The following UGT2A1 variants were observed in gnomAD, a reference collection of about 807,000 sequenced individuals.
UGT2A1 encodes UDP glucuronosyltransferase family 2 member A1 complex locus, also known as UDP-glucuronosyltransferase 2A1.
A neutral mutation model predicts 45.4 loss-of-function variants in UGT2A1; 61 were observed. The observed-to-expected ratio is 1.34, with a 90% CI of 1.09 to 1.66. The LOEUF (loss-of-function observed/expected upper bound fraction) is 1.66. Ranked by LOEUF, UGT2A1 falls within the 40% of genes most tolerant of loss-of-function variation. UGT2A1 has a pLI of 0.00. For missense variants in UGT2A1, 649 were observed against 574.3 expected (o/e 1.13, Z -1.33); for synonymous variants, 229 against 196.2 (o/e 1.17, Z -1.40).
intron 6 of UGT2A1, among the ~76,000 whole-genome samples, chr4:69,592,360 G>T (rs1442439070): frequency 6.6e-6 from 1 of 152,026 alleles, no homozygotes; most frequent in African/African-American, 2.4e-5. Flanking sequence ...AAAAATAACA[G>T]CCTGATAACC....
intron 4 of UGT2A1, chr4:69,596,297 C>G: frequency 6.2e-7 from 1 of 1,607,400 alleles, no homozygotes; most frequent in Non-Finnish European, 8.5e-7. Flanking sequence ...TTGGCCTTTT[C>G]TTCTGTAAGG....
intron 1 of UGT2A1, among the ~76,000 whole-genome samples, chr4:69,652,054 G>C (rs1245857316): frequency 6.6e-6 from 1 of 151,984 alleles, no homozygotes; most frequent in African/African-American, 2.4e-5. Flanking sequence ...TTCCGCTCCT[G>C]CTCTGAAACT....
intron 2 of UGT2A1, among the ~76,000 whole-genome samples, chr4:69,638,263 A>C (rs888762265): frequency 6.6e-6 from 1 of 152,144 alleles, no homozygotes; most frequent in Non-Finnish European, 1.5e-5. Flanking sequence ...AAAGCCAGGA[A>C]AAATAAGTAA....
intron 2 of UGT2A1, 122 bp from the exon 3 acceptor site, chr4:69,635,944 G>A (rs1372818290): frequency 6.6e-6 from 1 of 151,462 alleles, no homozygotes; most frequent in Non-Finnish European, 1.5e-5. Flanking sequence ...TTCACTTCTG[G>A]ATATGAGTAG....
chr4:69,599,225 C>A, intron 4 of UGT2A1, 21 bp downstream of exon 4: 1 of 1,588,458 alleles, frequency 6.3e-7, no homozygotes, highest in Non-Finnish European at 8.5e-7. Context: ...AGCATAAAAT[C>A]CTCCACTGTT....
At chr4:69,610,128 G>T (rs1440863493) in intron 3 of UGT2A1, among the ~76,000 whole-genome samples, 2 of 152,138 alleles carry the variant, frequency 1.3e-5, no homozygotes, top group Admixed American at 6.6e-5. Flanking sequence ...TAGCAAAGTT[G>T]ATATAGTTTC....
At position 69,589,485 on chromosome 4, in the gene UGT2A1, C is replaced by G; in HGVS notation, c.1471G>C (p.Val491Leu). The change falls in exon 7 of 7, where the codon GTA becomes CTA. Residue 491 changes from valine (V) to leucine (L), a missense_variant. Physicochemically the swap from Val to Leu is conservative, Grantham distance 32. Coordinates refer to ENST00000286604, the MANE Select transcript of UGT2A1 (RefSeq NM_001252275.3). ...ACACAGACCAGCAAGAACCCAATTA[C>G]ATCCAAAGAGTGGTACTGGAACCAG... Reference protein sequence around the residue: ...LTWFQYHSLDVIGFLLVCVTT... With the variant: ...LTWFQYHSLDLIGFLLVCVTT... 3 of 1,614,092 alleles carry G rather than the reference C, an allele frequency of 1.9e-6. No homozygotes were observed. The highest frequency in any genetic ancestry group is 2.5e-6 in the Non-Finnish European group (3 of 1,180,014).
chr4:69,619,352 T>G (rs891601031), intron 3 of UGT2A1, among the ~76,000 whole-genome samples: 3 of 151,832 alleles, frequency 2.0e-5, no homozygotes, highest in African/African-American at 7.3e-5. Flanking sequence ...TGAGCCAACA[T>G]CAGTGGCACT....
chr4:69,602,543 A>G (rs1719358565), intron 3 of UGT2A1, among the ~76,000 whole-genome samples: 1 of 137,378 alleles, frequency 7.3e-6, no homozygotes, highest in South Asian at 2.4e-4. Flanking sequence ...AAAACAATAT[A>G]CAGATAAATC....
chr4:69,623,455 A>T (rs1287892082), intron 3 of UGT2A1, among the ~76,000 whole-genome samples: 5 of 151,834 alleles, frequency 3.3e-5, no homozygotes, highest in African/African-American at 1.2e-4. Context: ...TGAATGCATT[A>T]CCAAGTCACT....
In UGT2A1 at chr4:69,639,539, A is replaced by C. The variant is rs762275981; in HGVS notation, c.716-3717T>G. The C allele has an allele frequency of 1.2e-6, 2 of 1,613,258 alleles. 1 individual carries two copies. Among genetic ancestry groups the C allele is most frequent in the South Asian group, 2.2e-5 (2 of 90,930 alleles). On this transcript the variant is annotated intron_variant, in intron 2 of 6. Transcript: ENST00000286604. ...ACCAATGGCTACCATCTGTAGGCCAAATTAACACATTCCCACTTAGAACAA... is the reference window on the plus strand; with the variant it reads ...ACCAATGGCTACCATCTGTAGGCCACATTAACACATTCCCACTTAGAACAA...
chr4:69,651,446 T>G (rs1273526203), intron 1 of UGT2A1, among the ~76,000 whole-genome samples: 1 of 152,180 alleles, frequency 6.6e-6, no homozygotes, highest in African/African-American at 2.4e-5. Flanking sequence ...TTACTATATT[T>G]GTGAAAGCTC....
At position 69,589,425 on chromosome 4, in the gene UGT2A1, A is replaced by G; in HGVS notation, c.1531T>C (p.Leu511=). 1 of 1,613,976 alleles carries G rather than the reference A, an allele frequency of 6.2e-7. No homozygotes were observed. The change falls in exon 7 of 7, where the codon TTG becomes CTG. Residue 511 remains leucine, a synonymous_variant. Coordinates refer to ENST00000286604, the MANE Select transcript of UGT2A1 (RefSeq NM_001252275.3). ...TAIFLVIQCC[L]FSCQKFGKIG... ...TTACCAAATTTTTGACAGGAAAACA[A>G]ACAACATTGTATGACCAAAAATATA...
chr4:69,639,169 C>CT (rs1353227349), intron 2 of UGT2A1: 1 of 1,613,688 alleles, frequency 6.2e-7, no homozygotes, highest in Non-Finnish European at 8.5e-7. Flanking sequence ...ACTGGGTCTG[C>CT]TACCAACACA....
At chr4:69,609,753 T>C (rs1213263696) in intron 3 of UGT2A1, among the ~76,000 whole-genome samples, 1 of 152,186 alleles carries the variant, frequency 6.6e-6, no homozygotes, top group African/African-American at 2.4e-5. Flanking sequence ...GTAAATACAA[T>C]TGTTCTTCTG....
At position 69,589,223 on chromosome 4, in the gene UGT2A1, T is replaced by C; in HGVS notation, c.*149A>G. 5.9e-6 allele frequency: 6 copies of C among 1,013,680 alleles called. No homozygotes were observed. The highest frequency in any genetic ancestry group is 8.1e-6 in the Non-Finnish European group (6 of 736,948). The allele number at this position is 1,013,680 out of a possible 1,614,324, so 62.8% of individuals were successfully genotyped here. On this transcript the variant is annotated 3_prime_UTR_variant, in exon 7 of 7. Transcript: ENST00000286604. ...CATGCCAAAATCTAGGCTTTATCAG[T>C]AGGCTTATCGCAGGTAGAGAAATAG...
At position 69,599,301 on chromosome 4, in the gene UGT2A1, G is replaced by C. The variant is rs1316635567; in HGVS notation, c.941C>G (p.Pro314Arg). The C allele has an allele frequency of 6.2e-7, 1 of 1,613,640 alleles. No homozygotes were observed. Among genetic ancestry groups the C allele is most frequent in the African/African-American group, 1.3e-5 (1 of 74,888 alleles). ...CAATCCTCCAACAAACTCAAAATTA[G>C]GTAAGTATGGACGAGGAAATTCAAA... ...WDFEFPRPYL[P>R]NFEFVGGLHC... The change falls in exon 4 of 7, where the codon CCT (proline) becomes CGT (arginine). Residue 314 changes from proline to arginine, a missense_variant. Transcript: ENST00000286604.
chr4:69,604,673 C>A (rs529868229), intron 3 of UGT2A1, among the ~76,000 whole-genome samples: 1 of 136,642 alleles, frequency 7.3e-6, no homozygotes, highest in African/African-American at 3.0e-5. Flanking sequence ...ATTCAGGAAA[C>A]CCATCTCACG....
At position 69,633,523 on chromosome 4, in the gene UGT2A1, G is replaced by A. The variant is rs542277012; in HGVS notation, c.847+2168C>T. Among the ~76,000 whole-genome samples the A allele has an allele frequency of 3.3e-5, 5 of 152,230 alleles. No homozygotes were observed. In the South Asian group the frequency reaches 8.3e-4, roughly 25 times the overall value. On this transcript the variant is annotated intron_variant, in intron 3 of 6. Coordinates refer to ENST00000286604, the MANE Select transcript of UGT2A1 (RefSeq NM_001252275.3). Reference sequence around the variant, plus strand: ...TGTTCAAAGCAGTGTTCATCATAAGGTGGCAAAACCAAAATAGCCTAAATT... The same window carrying A: ...TGTTCAAAGCAGTGTTCATCATAAGATGGCAAAACCAAAATAGCCTAAATT...
Sources: allele counts gnomAD v4.1 joint callset (sites outside exome capture counted in the v4.1 genomes callset), GRCh38; gene constraint gnomAD v4.1.1; transcripts MANE v1.5; gene names NCBI Gene and HGNC (gene_info 2026-07-23, HGNC 2026-07-21).